LXN: variants seen among roughly 807,000 people sequenced by gnomAD.
LXN encodes the protein MUM.
In LXN, 28 loss-of-function variants were observed where a neutral mutation model predicts 29.8. That is an observed-to-expected ratio of 0.94 (90% confidence interval 0.70 to 1.29). LXN has a LOEUF of 1.29. Ranked by LOEUF, LXN falls within the 50% of genes most tolerant of loss-of-function variation. LXN has a pLI of 0.00. For synonymous variants in LXN, 77 were observed against 89.6 expected (o/e 0.86, Z 0.80); for missense variants, 227 against 261.7 (o/e 0.87, Z 0.92).
chr3:158,666,431 C>CT lies in LXN; in HGVS notation c.*214dup, dbSNP rs763710681. 96 of 1,515,982 alleles carry CT rather than the reference C, an allele frequency of 6.3e-5. No individual in the cohort carries two copies. In the Middle Eastern group the frequency reaches 2.9e-3, roughly 46 times the overall value. 93.9% of individuals were successfully genotyped at this position (1,515,982 alleles called of 1,614,324 possible). ...AAACATTATGAGGCTGAAATTGAAGCTTTTTATTTTGGATATACATACCAC... is the reference window on the plus strand; with the variant it reads ...AAACATTATGAGGCTGAAATTGAAGCTTTTTTATTTTGGATATACATACCAC... On this transcript the variant is annotated 3_prime_UTR_variant, in exon 6 of 6. Coordinates refer to ENST00000264265, the MANE Select transcript of LXN (RefSeq NM_020169.4).
At position 158,672,379 on chromosome 3, in the gene LXN, C is replaced by T. The variant is rs1356828471; in HGVS notation, c.100G>A (p.Val34Met). ...QQGTPHRVFE[V>M]QKVKQASMED... ...ATGCTGGCTTGTTTGACCTTCTGCACCTCAAACACCCTGTGCGGGGTCCCC... is the reference window on the plus strand; with the variant it reads ...ATGCTGGCTTGTTTGACCTTCTGCATCTCAAACACCCTGTGCGGGGTCCCC... Residue 34 changes from valine to methionine, a missense_variant, in exon 1 of 6, where the codon GTG becomes ATG. By Grantham distance (21) the Val-to-Met change is conservative (BLOSUM62 1). Transcript: ENST00000264265. 3.1e-6 allele frequency: 5 copies of T among 1,613,876 alleles called. No individual in the cohort carries two copies. Among genetic ancestry groups the T allele is most frequent in the Admixed American group, 1.7e-5 (1 of 59,996 alleles).
intron 4 of LXN, among the ~76,000 whole-genome samples, chr3:158,668,620 T>A (rs537312770): frequency 6.6e-6 from 1 of 152,366 alleles, no homozygotes; most frequent in South Asian, 2.1e-4. Flanking sequence ...GCAGTCTAGA[T>A]ACTGTGTATT....
Position 158,667,042 on chromosome 3 carries a change from G to A in LXN, c.540C>T (p.Tyr180=), listed in dbSNP as rs531751087. ...ATGCTATATTATGAAGTAGAATGGT[G>A]TAGTCTAATTCAATAAAGTCATCAT... The part of the protein sequence containing the change: ...QRNDDFIELD[Y]TILLHNIASQ... The change falls in exon 5 of 6, where the codon TAC becomes TAT. Residue 180 remains tyrosine (Y), a synonymous_variant. Transcript: ENST00000264265. The A allele has an allele frequency of 1.3e-6, 2 of 1,597,082 alleles. No homozygotes were observed. Among genetic ancestry groups the A allele is most frequent in the African/African-American group, 1.3e-5 (1 of 74,332 alleles).
chr3:158,670,278 A>G (rs1724150945), intron 2 of LXN, among the ~76,000 whole-genome samples: 1 of 152,206 alleles, frequency 6.6e-6, no homozygotes, highest in Non-Finnish European at 1.5e-5. Flanking sequence ...CTTCATCTGA[A>G]TGGTGGTATC....
intron 4 of LXN, among the ~76,000 whole-genome samples, chr3:158,668,452 T>C (rs1723932073): frequency 1.3e-5 from 2 of 152,196 alleles, no homozygotes; most frequent in Non-Finnish European, 2.9e-5. Flanking sequence ...GAGGCCTGAC[T>C]GTATATTGTA....
intron 2 of LXN, among the ~76,000 whole-genome samples, chr3:158,669,909 G>A (rs923438288): frequency 6.6e-6 from 1 of 152,194 alleles, no homozygotes; most frequent in African/African-American, 2.4e-5. Context: ...TGCAAGGCCA[G>A]ATTTTAATCT....
chr3:158,669,880 T>C (rs1356179329), intron 2 of LXN, among the ~76,000 whole-genome samples: 1 of 152,190 alleles, frequency 6.6e-6, no homozygotes, highest in Non-Finnish European at 1.5e-5. Flanking sequence ...TATATTTCAG[T>C]ATTAATGGGG....
chr3:158,669,065 A>G lies in LXN; in HGVS notation c.438T>C (p.Tyr146=), dbSNP rs749766157. 9.9e-6 allele frequency: 16 copies of G among 1,613,606 alleles called. No individual in the cohort carries two copies. Among genetic ancestry groups the G allele is most frequent in the Middle Eastern group, 3.3e-4 (2 of 6,080 alleles). The change falls in exon 4 of 6, where the codon TAT becomes TAC. Residue 146 remains tyrosine (Y), a synonymous_variant. Transcript: ENST00000264265. ...VLHLAWVACG[Y]IIWQNSTEDT... is the part of the protein sequence containing the mutation. ...CTTCAGTAGAATTTTGCCATATTAT[A>G]TAACCACAGGCAACCCAGGCTAAAT...
chr3:158,669,298 G>A, intron 3 of LXN, 135 bp downstream of exon 3: 2 of 1,180,410 alleles, frequency 1.7e-6, no homozygotes, highest in Non-Finnish European at 2.3e-6. Context: ...TTGTTGGATT[G>A]GATTAGAAAT....
At chr3:158,667,514 A>G (rs1418315216) in intron 4 of LXN, among the ~76,000 whole-genome samples, 1 of 152,262 alleles carries the variant, frequency 6.6e-6, no homozygotes, top group East Asian at 1.9e-4. Flanking sequence ...GGCCGAGCAC[A>G]GTGGCTCACA....
rs149254686 is a variant in LXN at position 158,672,443 on chromosome 3, C to T, written c.36G>A (p.Arg12=). ...EIPPTNYPAS[R]AALVAQNYIN... ...TGTAGTTCTGTGCCACCAAGGCCGC[C>T]CTGGAGGCTGGGTAGTTGGTCGGCG... The change falls in exon 1 of 6, where the codon AGG becomes AGA. Residue 12 remains arginine, a synonymous_variant. Coordinates refer to ENST00000264265, the MANE Select transcript of LXN (RefSeq NM_020169.4). 2.5e-6 allele frequency: 4 copies of T among 1,613,922 alleles called. No homozygotes were observed. In the African/African-American group the frequency reaches 5.3e-5, roughly 22 times the overall value.
rs1724441970 is a variant in LXN, at chr3:158,672,525, G to A, written c.-47C>T. 6.2e-7 allele frequency: 1 copy of A among 1,609,152 alleles called. No homozygotes were observed. Among genetic ancestry groups the A allele is most frequent in the Non-Finnish European group, 8.5e-7 (1 of 1,177,220 alleles). ...GGGCTTGGGCTACTCTGGCTTAACG[G>A]GACCAGTAGCAGAGCGCCGCCCGTC... On this transcript the variant is annotated 5_prime_UTR_variant, in exon 1 of 6. Transcript: ENST00000264265.
chr3:158,671,431 C>T (rs1724292030), intron 1 of LXN, among the ~76,000 whole-genome samples: 2 of 152,184 alleles, frequency 1.3e-5, no homozygotes, highest in Admixed American at 6.5e-5. Flanking sequence ...ATGTGAATTT[C>T]ATTTTGAGGC....
Position 158,670,956 on chromosome 3 carries a change from C to G in LXN, c.192+1G>C. ...TCAAAGAAAAAAGAAATTTAACTTA[C>G]TTTTTGTATAATTTCTTCAACAGCA... On this transcript the variant is annotated splice_donor_variant, in intron 2 of 5. Coordinates refer to ENST00000264265, the MANE Select transcript of LXN (RefSeq NM_020169.4). LOFTEE classifies it high-confidence loss of function. The G allele has an allele frequency of 3.3e-6, 5 of 1,524,764 alleles. No homozygotes were observed. The highest frequency in any genetic ancestry group is 4.4e-6 in the Non-Finnish European group (5 of 1,139,592). 94.5% of individuals were successfully genotyped at this position (1,524,764 alleles called of 1,614,324 possible).
intron 5 of LXN, 67 bp downstream of exon 5, chr3:158,666,945 A>C: frequency 6.4e-7 from 1 of 1,551,988 alleles, no homozygotes; most frequent in Non-Finnish European, 8.7e-7. Flanking sequence ...TTAATAAAGC[A>C]TACTGTGGCT....
chr3:158,669,731 G>T, intron 2 of LXN, 121 bp from the exon 3 acceptor site: 2 of 946,268 alleles, frequency 2.1e-6, no homozygotes, highest in Non-Finnish European at 3.2e-6. Flanking sequence ...AGACTTCAAA[G>T]TGCTTGTTTT....
intron 3 of LXN, 55 bp downstream of exon 3, chr3:158,669,378 G>T: frequency 6.6e-7 from 1 of 1,504,980 alleles, no homozygotes; most frequent in South Asian, 1.2e-5. Context: ...ACAGATAATT[G>T]AGATTGATTT....
chr3:158,669,288 T>C (rs1724032700), intron 3 of LXN, 145 bp downstream of exon 3: 2 of 1,184,802 alleles, frequency 1.7e-6, no homozygotes, highest in African/African-American at 1.6e-5. Flanking sequence ...GGCCTCTTTT[T>C]TGTTGGATTG....
chr3:158,670,964 A>G lies in LXN; in HGVS notation c.185T>C (p.Ile62Thr). 1 of 1,538,394 alleles carries G rather than the reference A, an allele frequency of 6.5e-7. No individual in the cohort carries two copies. The highest frequency in any genetic ancestry group is 8.7e-7 in the Non-Finnish European group (1 of 1,145,084). The stretch of plus-strand genomic sequence containing the variant: ...AAAAGAAATTTAACTTACTTTTTGT[A>G]TAATTTCTTCAACAGCAAATTTAAG... ...YHLKFAVEEI[I>T]QKQVKVNCTA... The change falls in exon 2 of 6, where the codon ATA becomes ACA. Residue 62 changes from isoleucine (I) to threonine (T), a missense_variant. Transcript: ENST00000264265.
Sources: allele counts gnomAD v4.1 joint callset (sites outside exome capture counted in the v4.1 genomes callset), GRCh38; gene constraint gnomAD v4.1.1; transcripts MANE v1.5; gene names NCBI Gene and HGNC (gene_info 2026-07-23, HGNC 2026-07-21).